AMPH: variants seen among roughly 807,000 people sequenced by gnomAD.
The protein encoded by AMPH is amphiphysin.
In AMPH, 49 loss-of-function variants were observed where a neutral mutation model predicts 99.1. The ratio of observed to expected loss-of-function variants is 0.49; its 90% CI spans 0.39 to 0.63. The LOEUF (loss-of-function observed/expected upper bound fraction) is 0.63. AMPH is among the 20% of genes least tolerant of loss of function. The pLI, the probability that AMPH is intolerant of heterozygous loss-of-function variation, is 0.00. For missense variants in AMPH, 759 were observed against 863.4 expected, an observed-to-expected ratio of 0.88 and a Z score of 1.52; for synonymous variants, 314 against 317.3, an observed-to-expected ratio of 0.99 and a Z score of 0.11.
intron 14 of AMPH, chr7:38,427,926 T>C (rs1200609123): frequency 2.2e-6 from 1 of 456,724 alleles, no homozygotes; most frequent in South Asian, 1.5e-5. Flanking sequence ...GTTGTTGATG[T>C]CCTGGTCTCG....
At position 38,418,032 on chromosome 7, in the gene AMPH, A is replaced by T. The variant is rs961295641; in HGVS notation, c.1273-82T>A. The T allele has an allele frequency of 6.9e-6, 10 of 1,457,480 alleles. No individual in the cohort carries two copies. The African/African-American group carries it at 1.4e-4, about 21-fold the overall frequency. The allele number at this position is 1,457,480 out of a possible 1,614,324, so 90.3% of individuals were successfully genotyped here. A position where few individuals can be genotyped will look rare whatever the true frequency, so the allele number is the denominator to read the frequency against. On this transcript the variant is annotated intron_variant, in intron 16 of 20. Coordinates refer to ENST00000356264, the MANE Select transcript of AMPH (RefSeq NM_001635.4). ...CATTACAGAATACTGGACAATTAAGATTTTCTTTGTCATCCCATAGGCAAC... is the reference window on the plus strand; with the variant it reads ...CATTACAGAATACTGGACAATTAAGTTTTTCTTTGTCATCCCATAGGCAAC...
At chr7:38,414,020 T>C (rs1785293191) in intron 17 of AMPH, among the ~76,000 whole-genome samples, 1 of 152,244 alleles carries the variant, frequency 6.6e-6, no homozygotes, top group African/African-American at 2.4e-5. Flanking sequence ...GCAGGAGCCA[T>C]ATCTATTTAC....
At chr7:38,469,928 T>A (rs1460212990) in intron 7 of AMPH, among the ~76,000 whole-genome samples, 1 of 152,224 alleles carries the variant, frequency 6.6e-6, no homozygotes, top group East Asian at 1.9e-4. Flanking sequence ...CCCACTAACC[T>A]AATTTCCTGG....
At chr7:38,537,000 C>A (rs536938798) in intron 1 of AMPH, among the ~76,000 whole-genome samples, 1 of 152,222 alleles carries the variant, frequency 6.6e-6, no homozygotes, top group South Asian at 2.1e-4. Flanking sequence ...TTCTTTATAA[C>A]TTTCTATATT....
At chr7:38,585,148 G>A (rs2129056357) in intron 1 of AMPH, among the ~76,000 whole-genome samples, 1 of 152,218 alleles carries the variant, frequency 6.6e-6, no homozygotes, top group Admixed American at 6.5e-5. Context: ...TAAGTAAGAA[G>A]TATCTCATTT....
Position 38,543,451 on chromosome 7 carries a change from C to T in AMPH, c.70-8440G>A, listed in dbSNP as rs576220941. On this transcript the variant is annotated intron_variant, in intron 1 of 20. Transcript: ENST00000356264. ...AGCAGATAGATAGAATATGTTCTTG[C>T]TTTTTTTCCTCTTATAAAAAATGCC... Among the ~76,000 whole-genome samples the T allele has an allele frequency of 1.2e-4, 19 of 152,138 alleles. No individual in the cohort carries two copies. The South Asian group carries it at 3.3e-3, about 27-fold the overall frequency.
chr7:38,389,907 T>G lies in AMPH; in HGVS notation c.1879-2A>C. On this transcript the variant is annotated splice_acceptor_variant, in intron 19 of 20. Transcript: ENST00000356264. LOFTEE classifies it high-confidence loss of function. ...CTCAAAATCATGCAGTGTTTCCACC[T>G]GCAGAAGATAAGAATACATAAAAAT... 6.2e-7 allele frequency: 1 copy of G among 1,608,682 alleles called. No individual in the cohort carries two copies. The highest frequency in any genetic ancestry group is 8.5e-7 in the Non-Finnish European group (1 of 1,176,066).
At chr7:38,392,604 C>T (rs1475295600) in intron 18 of AMPH, 2 of 152,950 alleles carry the variant, frequency 1.3e-5, no homozygotes, top group Non-Finnish European at 2.9e-5. Flanking sequence ...CCAAGATGGT[C>T]TAGATCTCCT....
intron 10 of AMPH, 60 bp downstream of exon 10, chr7:38,462,914 GA>G: frequency 6.0e-6 from 9 of 1,490,936 alleles, no homozygotes; most frequent in Non-Finnish European, 8.1e-6. Flanking sequence ...GATTATCCTA[GA>G]TGGGGCCACC....
chr7:38,503,631 A>C lies in AMPH; in HGVS notation c.205+19T>G. On this transcript the variant is annotated intron_variant, in intron 3 of 20. Coordinates refer to ENST00000356264, the MANE Select transcript of AMPH (RefSeq NM_001635.4). ...AACCTGTGCTAAGTAACATGCAGTA[A>C]ACAACTCATACACATTACCTTTGAT... 1 of 1,612,598 alleles carries C rather than the reference A, an allele frequency of 6.2e-7. No homozygotes were observed. Among genetic ancestry groups the C allele is most frequent in the Non-Finnish European group, 8.5e-7 (1 of 1,178,702 alleles).
At chr7:38,399,866 G>A (rs1784792737) in intron 17 of AMPH, among the ~76,000 whole-genome samples, 1 of 152,072 alleles carries the variant, frequency 6.6e-6, no homozygotes, top group Admixed American at 6.5e-5. Flanking sequence ...ATTTATGGGG[G>A]AAACAGCTAT....
intron 17 of AMPH, among the ~76,000 whole-genome samples, chr7:38,414,767 T>C (rs1402044031): frequency 6.6e-6 from 1 of 152,044 alleles, no homozygotes; most frequent in African/African-American, 2.4e-5. Context: ...TGGGTTCAAG[T>C]GATTCTCCTG....
intron 1 of AMPH, among the ~76,000 whole-genome samples, chr7:38,629,512 T>G (rs1371717800): frequency 6.7e-6 from 1 of 149,976 alleles, no homozygotes; most frequent in Non-Finnish European, 1.5e-5. Context: ...TTTTGACAAT[T>G]CACAGGACTT....
chr7:38,463,790 G>A (rs1197121318), intron 9 of AMPH, among the ~76,000 whole-genome samples: 1 of 152,188 alleles, frequency 6.6e-6, no homozygotes, highest in Non-Finnish European at 1.5e-5. Context: ...CCATGTTCCT[G>A]GCATGCGGCC....
chr7:38,544,158 A>G (rs1296355404), intron 1 of AMPH, among the ~76,000 whole-genome samples: 1 of 152,238 alleles, frequency 6.6e-6, no homozygotes. Context: ...CTCAAATGTA[A>G]TAACTGCTTG....
intron 13 of AMPH, 65 bp downstream of exon 13, chr7:38,432,124 A>T: frequency 1.5e-6 from 2 of 1,340,874 alleles, no homozygotes; most frequent in Non-Finnish European, 1.1e-6. Context: ...GAAATAAAAT[A>T]TAACAAGGTT....
chr7:38,428,764 C>T (rs1049383022), intron 14 of AMPH: 3 of 457,298 alleles, frequency 6.6e-6, no homozygotes, highest in Non-Finnish European at 1.3e-5. Flanking sequence ...TGAATTCCAT[C>T]ATGTAGACCT....
intron 5 of AMPH, among the ~76,000 whole-genome samples, chr7:38,486,278 A>G (rs1392567615): frequency 6.6e-6 from 1 of 151,890 alleles, no homozygotes; most frequent in Non-Finnish European, 1.5e-5. Flanking sequence ...ATGCCATAGA[A>G]ATAAAAAGGT....
At chr7:38,563,654 A>C (rs924331953) in intron 1 of AMPH, among the ~76,000 whole-genome samples, 2 of 152,204 alleles carry the variant, frequency 1.3e-5, no homozygotes, top group African/African-American at 4.8e-5. Context: ...GAAGAGCAAT[A>C]ATACACATTA....
Sources: allele counts gnomAD v4.1 joint callset (sites outside exome capture counted in the v4.1 genomes callset), GRCh38; gene constraint gnomAD v4.1.1; transcripts MANE v1.5; gene names NCBI Gene and HGNC (gene_info 2026-07-23, HGNC 2026-07-21).